PSMA1: variants seen among roughly 807,000 people sequenced by gnomAD.
PSMA1 encodes the protein proteasome 20S subunit alpha 1.
Under a neutral mutation model 38.4 loss-of-function variants are expected in PSMA1, and 3 were observed. That is an observed-to-expected ratio of 0.08 (90% confidence interval 0.04 to 0.20). The LOEUF is 0.20. Ranked by LOEUF, PSMA1 falls within the 10% of genes least tolerant of loss-of-function variation. The pLI is 1.00. For synonymous variants in PSMA1, 101 were observed against 107.1 expected, an observed-to-expected ratio of 0.94 and a Z score of 0.35; for missense variants, 227 against 325.3, an observed-to-expected ratio of 0.70 and a Z score of 2.32.
At chr11:14,625,853 G>C (rs1852902748) in intron 1 of PSMA1, among the ~76,000 whole-genome samples, 2 of 152,156 alleles carry the variant, frequency 1.3e-5, no homozygotes. Context: ...GTCTAATTCT[G>C]TTTTGGCATT....
chr11:14,585,374 C>T (rs1443036868), intron 2 of PSMA1, among the ~76,000 whole-genome samples: 8 of 152,148 alleles, frequency 5.3e-5, no homozygotes, highest in Non-Finnish European at 1.0e-4. Flanking sequence ...TGTTATACTT[C>T]TCAAGGGAGA....
intron 1 of PSMA1, among the ~76,000 whole-genome samples, chr11:14,622,687 C>T (rs1457208232): frequency 1.3e-5 from 2 of 152,204 alleles, no homozygotes; most frequent in East Asian, 1.9e-4. Flanking sequence ...CTGGAGGCGG[C>T]GTATTCCAAA....
chr11:14,634,826 A>G (rs1197323891), intron 1 of PSMA1, among the ~76,000 whole-genome samples: 1 of 152,220 alleles, frequency 6.6e-6, no homozygotes, highest in African/African-American at 2.4e-5. Flanking sequence ...TTTAGTTATT[A>G]TTATGAACAT....
chr11:14,513,945 A>C lies in PSMA1; in HGVS notation c.344-58T>G. ...GAATGAAGTACTGTCTTTATTTTCAAATTATACATTATTAACAAAGGTCTC... is the reference window on the plus strand; with the variant it reads ...GAATGAAGTACTGTCTTTATTTTCACATTATACATTATTAACAAAGGTCTC... On this transcript the variant is annotated intron_variant, in intron 5 of 9. Transcript: ENST00000396394. The C allele has an allele frequency of 2.7e-6, 4 of 1,503,952 alleles. No individual in the cohort carries two copies. In the East Asian group the frequency reaches 9.7e-5, roughly 37 times the overall value. 93.2% of individuals were successfully genotyped at this position (1,503,952 alleles called of 1,614,324 possible).
chr11:14,536,300 G>A (rs1323497606), intron 2 of PSMA1, among the ~76,000 whole-genome samples: 3 of 152,136 alleles, frequency 2.0e-5, no homozygotes, highest in Admixed American at 6.5e-5. Context: ...GCCGAGGGGG[G>A]CGGATCACCT....
At chr11:14,633,278 T>C (rs1373913911) in intron 1 of PSMA1, among the ~76,000 whole-genome samples, 1 of 152,178 alleles carries the variant, frequency 6.6e-6, no homozygotes, top group Non-Finnish European at 1.5e-5. Context: ...TTTATCTACT[T>C]TTGGTCTTTG....
intron 2 of PSMA1, among the ~76,000 whole-genome samples, chr11:14,608,041 A>C (rs1215113322): frequency 6.6e-6 from 1 of 152,148 alleles, no homozygotes; most frequent in Non-Finnish European, 1.5e-5. Flanking sequence ...TGACAGCATA[A>C]AAATACCCCA....
At chr11:14,631,047 C>T (rs973444514) in intron 1 of PSMA1, among the ~76,000 whole-genome samples, 54 of 151,882 alleles carry the variant, frequency 3.6e-4, no homozygotes, top group African/African-American at 1.3e-3. Context: ...CTATTTGATT[C>T]TTCTCTCTTT....
intron 1 of PSMA1, among the ~76,000 whole-genome samples, chr11:14,617,695 A>G (rs911045542): frequency 8.2e-5 from 12 of 146,214 alleles, no homozygotes; most frequent in African/African-American, 1.8e-4. Flanking sequence ...GTATATATAT[A>G]TATGTGTGTG....
chr11:14,640,920 A>G (rs1430695068), intron 1 of PSMA1, among the ~76,000 whole-genome samples: 1 of 152,138 alleles, frequency 6.6e-6, no homozygotes, highest in Admixed American at 6.5e-5. Flanking sequence ...AGAAATTAGA[A>G]AAAAAGAAAT....
At chr11:14,621,168 T>C (rs1852839357) in intron 1 of PSMA1, among the ~76,000 whole-genome samples, 1 of 152,230 alleles carries the variant, frequency 6.6e-6, no homozygotes, top group Admixed American at 6.5e-5. Flanking sequence ...AAATGGCTAG[T>C]GGGCATAATT....
intron 2 of PSMA1, among the ~76,000 whole-genome samples, chr11:14,603,767 GTATT>G (rs1456035756): frequency 6.6e-6 from 1 of 152,162 alleles, no homozygotes; most frequent in African/African-American, 2.4e-5. Context: ...AACAAATTAA[GTATT>G]TATACAAAAT....
At chr11:14,547,143 C>A (rs1448044324) in intron 2 of PSMA1, among the ~76,000 whole-genome samples, 1 of 152,094 alleles carries the variant, frequency 6.6e-6, no homozygotes, top group African/African-American at 2.4e-5. Flanking sequence ...CAGAAATCTG[C>A]CATTAATTTG....
chr11:14,553,618 T>C (rs1589990997), intron 2 of PSMA1, among the ~76,000 whole-genome samples: 1 of 152,166 alleles, frequency 6.6e-6, no homozygotes, highest in South Asian at 2.1e-4. Context: ...ATAATTTTCT[T>C]GAGACTCATA....
chr11:14,529,366 C>T (rs915223111), intron 2 of PSMA1, among the ~76,000 whole-genome samples: 4 of 152,050 alleles, frequency 2.6e-5, no homozygotes, highest in Non-Finnish European at 5.9e-5. Context: ...GGAGTTAATC[C>T]TCCCATGCTC....
chr11:14,508,929 A>C (rs1257393859), intron 8 of PSMA1, among the ~76,000 whole-genome samples: 1 of 17,582 alleles, frequency 5.7e-5, no homozygotes, highest in Non-Finnish European at 1.0e-4. Context: ...GCCAACACCT[A>C]ACTCATCTCC....
chr11:14,634,163 T>C (rs1248016254), intron 1 of PSMA1, among the ~76,000 whole-genome samples: 4 of 152,164 alleles, frequency 2.6e-5, no homozygotes, highest in Admixed American at 2.6e-4. Context: ...TTGGCTCCTC[T>C]GATGGAATAG....
At position 14,519,838 on chromosome 11, in the gene PSMA1, C is replaced by A. The variant is rs111905120; in HGVS notation, c.3+459G>T. The A allele has an allele frequency of 5.9e-4, 97 of 165,754 alleles. No individual in the cohort carries two copies. In the Middle Eastern group the frequency reaches 8.8e-3, roughly 15 times the overall value. The allele number at this position is 165,754 out of a possible 1,614,324, so 10.3% of individuals were successfully genotyped here. ...ATGATTGAAAAGGGCCTCTTCTAATCGAAGTCTAGGCGAGAGATAAATAGA... is the reference window on the plus strand; with the variant it reads ...ATGATTGAAAAGGGCCTCTTCTAATAGAAGTCTAGGCGAGAGATAAATAGA... On this transcript the variant is annotated intron_variant, in intron 1 of 9. Coordinates refer to ENST00000396394, the MANE Select transcript of PSMA1 (RefSeq NM_002786.4).
intron 2 of PSMA1, among the ~76,000 whole-genome samples, chr11:14,525,831 A>G (rs547694068): frequency 7.2e-5 from 11 of 152,160 alleles, no homozygotes; most frequent in African/African-American, 2.7e-4. Context: ...GCAAGGCTTC[A>G]GGGACAGCCC....
Sources: allele counts gnomAD v4.1 joint callset (sites outside exome capture counted in the v4.1 genomes callset), GRCh38; gene constraint gnomAD v4.1.1; transcripts MANE v1.5; gene names NCBI Gene and HGNC (gene_info 2026-07-23, HGNC 2026-07-21).